The following FGF12 variants were observed in gnomAD, a reference collection of about 807,000 sequenced individuals.
FGF12 encodes fibroblast growth factor 12, also known as fibroblast growth factor 12B.
FGF12 carries 14 observed loss-of-function variants against 23.6 expected under a neutral mutation model. That is an observed-to-expected ratio of 0.59 (90% CI 0.39 to 0.93). The LOEUF is 0.93. FGF12 is among the 40% of genes least tolerant of loss of function. The pLI is 0.00. For synonymous variants in FGF12, 62 were observed against 77.3 expected, an observed-to-expected ratio of 0.80 and a Z score of 1.04; for missense variants, 175 against 217.8, an observed-to-expected ratio of 0.80 and a Z score of 1.24.
At chr3:192,585,087 G>C (rs114326977) in intron 2 of FGF12, among the ~76,000 whole-genome samples, 1 of 152,116 alleles carries the variant, frequency 6.6e-6, no homozygotes, top group African/African-American at 2.4e-5. Context: ...GTGAGAAAAA[G>C]TTACCCTGCT....
Position 192,462,210 on chromosome 3 carries a change from C to T in FGF12, c.14-101672G>A, listed in dbSNP as rs563492695. ...CAGTGGGAGTATAAATTCTTCTGGA[C>T]GGAGATTATTATGGTTTGAGTATAC... On this transcript the variant is annotated intron_variant, in intron 2 of 5. Coordinates refer to ENST00000445105, the MANE Select transcript of FGF12 (RefSeq NM_004113.6). Among the ~76,000 whole-genome samples the T allele has an allele frequency of 9.9e-5, 15 of 152,100 alleles. No homozygotes were observed. In the South Asian group the frequency reaches 1.3e-3, roughly 13 times the overall value.
intron 2 of FGF12, among the ~76,000 whole-genome samples, chr3:192,588,680 A>C (rs1024127578): frequency 3.9e-5 from 6 of 151,920 alleles, no homozygotes; most frequent in African/African-American, 1.4e-4. Flanking sequence ...ATACATGAAG[A>C]TGTTAAAGCT....
intron 2 of FGF12, among the ~76,000 whole-genome samples, chr3:192,564,644 C>T (rs1361161566): frequency 2.0e-5 from 3 of 152,188 alleles, no homozygotes; most frequent in African/African-American, 7.2e-5. Flanking sequence ...GCAACAGAAA[C>T]CAGTGATCAC....
At chr3:192,580,408 A>G (rs1342093572) in intron 2 of FGF12, among the ~76,000 whole-genome samples, 1 of 152,154 alleles carries the variant, frequency 6.6e-6, no homozygotes, top group Non-Finnish European at 1.5e-5. Flanking sequence ...ATCCAACTCA[A>G]TAATTTTTTT....
intron 2 of FGF12, among the ~76,000 whole-genome samples, chr3:192,414,975 G>T (rs1576964865): frequency 6.6e-6 from 1 of 152,082 alleles, no homozygotes; most frequent in East Asian, 1.9e-4. Context: ...GGTTCTAGGA[G>T]GGTGGTCTTG....
chr3:192,650,210 T>C (rs553083033), intron 2 of FGF12, among the ~76,000 whole-genome samples: 1 of 152,212 alleles, frequency 6.6e-6, no homozygotes, highest in Non-Finnish European at 1.5e-5. Flanking sequence ...CAGAATACTT[T>C]AAACATTTTA....
At chr3:192,512,497 C>T (rs1724510606) in intron 2 of FGF12, among the ~76,000 whole-genome samples, 1 of 151,980 alleles carries the variant, frequency 6.6e-6, no homozygotes, top group Admixed American at 6.6e-5. Context: ...TGCTATTAAT[C>T]CATTTAATGC....
intron 4 of FGF12, among the ~76,000 whole-genome samples, chr3:192,269,168 TC>T (rs1713269603): frequency 3.9e-5 from 2 of 51,472 alleles, no homozygotes; most frequent in African/African-American, 1.5e-4. Context: ...ACCAGCCTTG[TC>T]CTGTCCTCTC....
intron 2 of FGF12, among the ~76,000 whole-genome samples, chr3:192,700,564 T>A (rs1489021972): frequency 1.3e-5 from 2 of 152,224 alleles, no homozygotes; most frequent in Non-Finnish European, 2.9e-5. Context: ...TTTGAGCAGA[T>A]ACATTATTAA....
intron 2 of FGF12, among the ~76,000 whole-genome samples, chr3:192,721,532 C>T (rs1277709725): frequency 6.6e-6 from 1 of 152,052 alleles, no homozygotes; most frequent in African/African-American, 2.4e-5. Flanking sequence ...AAATATGTGA[C>T]AAATCAGGAA....
chr3:192,156,686 A>G (rs1248997085), intron 5 of FGF12, among the ~76,000 whole-genome samples: 1 of 152,150 alleles, frequency 6.6e-6, no homozygotes, highest in Non-Finnish European at 1.5e-5. Context: ...TCAAGTACAT[A>G]GAGTAGGAAA....
intron 4 of FGF12, among the ~76,000 whole-genome samples, chr3:192,263,345 A>G (rs1411514625): frequency 6.6e-6 from 1 of 152,062 alleles, no homozygotes; most frequent in Non-Finnish European, 1.5e-5. Context: ...TACTGAAAAT[A>G]TGGTCTTTGA....
rs116061593 is a variant in FGF12 at position 192,270,571 on chromosome 3, G to A, written c.228+64790C>T. Among the ~76,000 whole-genome samples, 864 of 152,196 alleles carry A rather than the reference G, an allele frequency of 5.7e-3. 5 individuals carry two copies. Among genetic ancestry groups the A allele is most frequent in the Middle Eastern group, 0.014 (4 of 294 alleles). ...TGCAGGAGCTGACAAACTAATTCTG[G>A]ATGAGCCAAGTCACAAAAAATTAAG... On this transcript the variant is annotated intron_variant, in intron 4 of 5. Coordinates refer to ENST00000445105, the MANE Select transcript of FGF12 (RefSeq NM_004113.6).
intron 2 of FGF12, among the ~76,000 whole-genome samples, chr3:192,540,189 T>C (rs1010458458): frequency 1.3e-5 from 2 of 152,066 alleles, no homozygotes; most frequent in Admixed American, 6.6e-5. Flanking sequence ...ATTTCGGGTT[T>C]GTTTTATTCT....
intron 4 of FGF12, among the ~76,000 whole-genome samples, 170 bp from the exon 5 acceptor site, chr3:192,170,826 C>A (rs1715516533): frequency 6.6e-6 from 1 of 152,128 alleles, no homozygotes; most frequent in South Asian, 2.1e-4. Flanking sequence ...CATACAAAAT[C>A]AAAAAACATG....
Position 192,252,290 on chromosome 3 carries a change from G to T in FGF12, c.229-81634C>A, listed in dbSNP as rs148128778. Among the ~76,000 whole-genome samples, 1,333 of 151,416 alleles carry T rather than the reference G, an allele frequency of 8.8e-3. 18 individuals carry two copies. Among genetic ancestry groups the T allele is most frequent in the South Asian group, 0.021 (99 of 4,790 alleles). On this transcript the variant is annotated intron_variant, in intron 4 of 5. Coordinates refer to ENST00000445105, the MANE Select transcript of FGF12 (RefSeq NM_004113.6). ...AGTTTGGCCAACTTGGCAAAACCCT[G>T]TCTCTACTAAAAAATACAAAAATTA...
At chr3:192,225,603 C>T (rs1200390389) in intron 4 of FGF12, among the ~76,000 whole-genome samples, 1 of 152,062 alleles carries the variant, frequency 6.6e-6, no homozygotes, top group Non-Finnish European at 1.5e-5. Context: ...TCTACTCCTA[C>T]TTTATATATA....
chr3:192,576,150 CT>C (rs199548111), intron 2 of FGF12, among the ~76,000 whole-genome samples: 7 of 151,914 alleles, frequency 4.6e-5, no homozygotes, highest in Admixed American at 3.3e-4. Flanking sequence ...TTATGCAGCC[CT>C]TTTTTTTCTG....
At chr3:192,218,712 T>A (rs1718323944) in intron 4 of FGF12, among the ~76,000 whole-genome samples, 1 of 152,226 alleles carries the variant, frequency 6.6e-6, no homozygotes. Context: ...AATGGACTAA[T>A]CCAATATGAT....
Sources: allele counts gnomAD v4.1 joint callset (sites outside exome capture counted in the v4.1 genomes callset), GRCh38; gene constraint gnomAD v4.1.1; transcripts MANE v1.5; gene names NCBI Gene and HGNC (gene_info 2026-07-23, HGNC 2026-07-21).